Variants in DLG1 observed in about 807,000 individuals in gnomAD.
The protein encoded by DLG1 is disks large homolog 1.
In DLG1, 42 loss-of-function variants were observed where a neutral mutation model predicts 123.4. The ratio of observed to expected loss-of-function variants is 0.34; its 90% CI spans 0.27 to 0.44. DLG1 has a LOEUF of 0.44. DLG1 is among the 20% of genes least tolerant of loss of function. The probability of loss-of-function intolerance (pLI) is 1.00; values close to 1 mark genes in which losing one functional copy is unlikely to be tolerated. For missense variants in DLG1, 942 were observed against 1,082.6 expected (o/e 0.87, Z 1.82); for synonymous variants, 317 against 356.2 (o/e 0.89, Z 1.24).
intron 1 of DLG1, chr3:197,297,467 C>G (rs1270714497): frequency 7.5e-7 from 1 of 1,340,950 alleles, no homozygotes. Flanking sequence ...TCCAAACTCT[C>G]CTCGAAAGCG....
chr3:197,212,553 C>T (rs1339740240), intron 4 of DLG1, among the ~76,000 whole-genome samples: 4 of 152,336 alleles, frequency 2.6e-5, no homozygotes, highest in East Asian at 1.9e-4. Context: ...GGCAGTCTTC[C>T]GCACTCCTTG....
chr3:197,221,294 G>T (rs1736865696), intron 4 of DLG1, among the ~76,000 whole-genome samples: 1 of 152,132 alleles, frequency 6.6e-6, no homozygotes, highest in South Asian at 2.1e-4. Flanking sequence ...AAGGCGGGTG[G>T]ATCACCTGAG....
At chr3:197,287,768 C>T (rs139751129) in intron 3 of DLG1, among the ~76,000 whole-genome samples, 1 of 152,244 alleles carries the variant, frequency 6.6e-6, no homozygotes, top group Non-Finnish European at 1.5e-5. Flanking sequence ...AAGGTATATT[C>T]CATATATCAG....
chr3:197,273,807 C>A (rs1765005757), intron 4 of DLG1, among the ~76,000 whole-genome samples: 2 of 48,098 alleles, frequency 4.2e-5, no homozygotes, highest in African/African-American at 8.4e-5. Flanking sequence ...CCAAACAATC[C>A]AAAAAAGAAA....
At chr3:197,170,545 G>A (rs1803664203) in intron 5 of DLG1, among the ~76,000 whole-genome samples, 1 of 151,986 alleles carries the variant, frequency 6.6e-6, no homozygotes, top group South Asian at 2.1e-4. Context: ...GGCCACTTTT[G>A]AACAGTGTCT....
At chr3:197,276,932 C>T (rs1375146858) in intron 4 of DLG1, among the ~76,000 whole-genome samples, 4 of 151,942 alleles carry the variant, frequency 2.6e-5, no homozygotes, top group Admixed American at 6.6e-5. Context: ...CGCTCTGTCG[C>T]CCAGGCTGGA....
intron 4 of DLG1, among the ~76,000 whole-genome samples, chr3:197,250,470 G>A (rs930394821): frequency 2.6e-5 from 4 of 151,896 alleles, no homozygotes; most frequent in African/African-American, 4.8e-5. Context: ...TCAGGAGGCT[G>A]AGGCAGGGGA....
intron 24 of DLG1, among the ~76,000 whole-genome samples, chr3:197,046,959 T>TA (rs5855560): frequency 0.33 from 49,691 of 151,934 alleles, 9,796 homozygotes; most frequent in East Asian, 0.72. Flanking sequence ...TTTTTACTCT[T>TA]AAAAAATGTC....
chr3:197,267,652 T>TAA (rs34525746), intron 4 of DLG1, among the ~76,000 whole-genome samples: 2 of 151,886 alleles, frequency 1.3e-5, no homozygotes, highest in African/African-American at 2.4e-5. Context: ...TTATTTACCT[T>TAA]AAAAAAAATT....
At chr3:197,106,638 G>C (rs901172511) in intron 13 of DLG1, among the ~76,000 whole-genome samples, 3 of 152,122 alleles carry the variant, frequency 2.0e-5, no homozygotes, top group Non-Finnish European at 4.4e-5. Flanking sequence ...GATTATTGTA[G>C]AAAAGATTAA....
chr3:197,251,903 C>T (rs959386650), intron 4 of DLG1, among the ~76,000 whole-genome samples: 2 of 152,096 alleles, frequency 1.3e-5, no homozygotes, highest in African/African-American at 2.4e-5. Flanking sequence ...ATAGACCTGT[C>T]GAGTGTGGGA....
intron 4 of DLG1, among the ~76,000 whole-genome samples, chr3:197,267,347 G>C (rs1305965724): frequency 6.6e-6 from 1 of 152,058 alleles, no homozygotes; most frequent in African/African-American, 2.4e-5. Context: ...TTTGCCCTTG[G>C]ATCCTTTTCT....
intron 18 of DLG1, among the ~76,000 whole-genome samples, chr3:197,072,196 T>A (rs1325284899): frequency 6.6e-6 from 1 of 152,154 alleles, no homozygotes; most frequent in Non-Finnish European, 1.5e-5. Context: ...CCACGGTTTT[T>A]TTTATTTTTG....
chr3:197,051,788 T>C, intron 23 of DLG1, 120 bp from the exon 24 acceptor site: 1 of 662,550 alleles, frequency 1.5e-6, no homozygotes. Context: ...CTGCTGAAAA[T>C]ATGAATGTCA....
intron 5 of DLG1, among the ~76,000 whole-genome samples, chr3:197,160,278 T>C (rs1331175590): frequency 6.6e-6 from 1 of 151,958 alleles, no homozygotes. Context: ...ATAAAGAGAC[T>C]GGTACAAATT....
At chr3:197,286,404 TTC>T (rs1244003194) in intron 3 of DLG1, among the ~76,000 whole-genome samples, 1 of 152,198 alleles carries the variant, frequency 6.6e-6, no homozygotes, top group Non-Finnish European at 1.5e-5. Context: ...AGGCATTAGA[TTC>T]TCTCATAAGG....
Position 197,069,334 on chromosome 3 carries a change from T to A in DLG1, c.2006-74A>T, listed in dbSNP as rs551779894. ...AAAAGCAAATAATCAAAATGAAATG[T>A]TGAGATATAAGCCATATATAACAAA... On this transcript the variant is annotated intron_variant, in intron 18 of 24. Transcript: ENST00000667157. The A allele has an allele frequency of 3.1e-4, 324 of 1,035,888 alleles. 5 individuals carry two copies. In the East Asian group the frequency reaches 8.9e-3, roughly 29 times the overall value. The allele number at this position is 1,035,888 out of a possible 1,614,324, so 64.2% of individuals were successfully genotyped here. A position where few individuals can be genotyped will look rare whatever the true frequency, so the allele number is the denominator to read the frequency against.
chr3:197,064,994 T>C (rs1239266942), intron 22 of DLG1, among the ~76,000 whole-genome samples: 1 of 151,832 alleles, frequency 6.6e-6, no homozygotes, highest in Non-Finnish European at 1.5e-5. Context: ...TAATATATGC[T>C]GGAGAGCTAG....
intron 4 of DLG1, among the ~76,000 whole-genome samples, chr3:197,250,788 G>T (rs1241858141): frequency 1.3e-5 from 2 of 151,552 alleles, no homozygotes; most frequent in African/African-American, 4.8e-5. Flanking sequence ...GAAGTCAGGA[G>T]ATCAAGACCA....
Sources: allele counts gnomAD v4.1 joint callset (sites outside exome capture counted in the v4.1 genomes callset), GRCh38; gene constraint gnomAD v4.1.1; transcripts MANE v1.5; gene names NCBI Gene and HGNC (gene_info 2026-07-23, HGNC 2026-07-21).